The following ANO2 variants were observed in gnomAD, a reference collection of about 807,000 sequenced individuals.
The protein encoded by ANO2 is anoctamin 2.
ANO2 carries 101 observed loss-of-function variants against 124.2 expected under a neutral mutation model. The ratio of observed to expected loss-of-function variants is 0.81; its 90% confidence interval spans 0.69 to 0.96. The LOEUF is 0.96. Ranked by LOEUF, ANO2 falls within the 40% of genes least tolerant of loss-of-function variation. ANO2 has a pLI of 0.00. For synonymous variants in ANO2, 486 were observed against 482.5 expected, an observed-to-expected ratio of 1.01 and a Z score of -0.09; for missense variants, 1,293 against 1,274.5, an observed-to-expected ratio of 1.01 and a Z score of -0.22.
chr12:5,623,947 T>C (rs1038062762), intron 16 of ANO2, among the ~76,000 whole-genome samples: 1 of 151,612 alleles, frequency 6.6e-6, no homozygotes, highest in South Asian at 2.1e-4. Context: ...ATGGGTAGGG[T>C]GGAAATCACC....
At chr12:5,585,763 A>G (rs1943081597) in intron 20 of ANO2, among the ~76,000 whole-genome samples, 1 of 152,190 alleles carries the variant, frequency 6.6e-6, no homozygotes, top group Admixed American at 6.5e-5. Flanking sequence ...TCGAAGGGCA[A>G]TGAAACCAGT....
chr12:5,634,704 C>T (rs559458995), intron 16 of ANO2, among the ~76,000 whole-genome samples: 8 of 152,216 alleles, frequency 5.3e-5, no homozygotes, highest in African/African-American at 9.6e-5. Flanking sequence ...TCTGACAATA[C>T]GGGGATAGAT....
intron 10 of ANO2, among the ~76,000 whole-genome samples, chr12:5,752,473 T>G (rs1233290190): frequency 6.6e-6 from 1 of 152,228 alleles, no homozygotes; most frequent in Non-Finnish European, 1.5e-5. Flanking sequence ...ATTAAACACT[T>G]TCTCCTATAC....
chr12:5,712,470 AT>A (rs1405349224), intron 14 of ANO2, among the ~76,000 whole-genome samples: 1 of 152,160 alleles, frequency 6.6e-6, no homozygotes, highest in Non-Finnish European at 1.5e-5. Flanking sequence ...TTTAGCCACA[AT>A]TTAAGAAATG....
At chr12:5,662,398 T>A (rs1947491749) in intron 14 of ANO2, among the ~76,000 whole-genome samples, 1 of 152,208 alleles carries the variant, frequency 6.6e-6, no homozygotes, top group African/African-American at 2.4e-5. Flanking sequence ...AAAAATGACA[T>A]TTTGAAATGT....
chr12:5,909,823 A>G (rs1940940662), intron 3 of ANO2, among the ~76,000 whole-genome samples: 1 of 152,136 alleles, frequency 6.6e-6, no homozygotes, highest in Non-Finnish European at 1.5e-5. Flanking sequence ...GCCATGCTCT[A>G]CCTAAGGCTT....
chr12:5,857,245 T>C (rs1457226708), intron 3 of ANO2, among the ~76,000 whole-genome samples: 1 of 152,172 alleles, frequency 6.6e-6, no homozygotes, highest in Admixed American at 6.5e-5. Context: ...CTTTTAGGCA[T>C]AGTAGGGGAG....
At chr12:5,766,092 C>T (rs932184501) in intron 10 of ANO2, among the ~76,000 whole-genome samples, 2 of 152,216 alleles carry the variant, frequency 1.3e-5, no homozygotes, top group Non-Finnish European at 2.9e-5. Flanking sequence ...AGAACTCCCA[C>T]ATAGTTCTGG....
intron 14 of ANO2, among the ~76,000 whole-genome samples, chr12:5,672,681 C>T (rs1948070999): frequency 6.6e-6 from 1 of 152,106 alleles, no homozygotes. Context: ...GTAGACAAAG[C>T]AGAAGAGATC....
At chr12:5,842,164 G>A (rs975299564) in intron 4 of ANO2, among the ~76,000 whole-genome samples, 7 of 152,142 alleles carry the variant, frequency 4.6e-5, no homozygotes, top group African/African-American at 1.4e-4. Context: ...ACAGGTGTAA[G>A]CCACCATGGC....
rs377705387 is a variant in ANO2, at chr12:5,818,944, G to C, written c.892+8825C>G. Among the ~76,000 whole-genome samples the C allele has an allele frequency of 3.6e-3, 552 of 152,262 alleles. 3 individuals are homozygous for C. The highest frequency in any genetic ancestry group is 0.013 in the African/African-American group (526 of 41,552). ...TCCCAACTTCAAAAGCAGATTCTGAGCATCAAATCTGCTAAGATGGCCCTG... is the reference window on the plus strand; with the variant it reads ...TCCCAACTTCAAAAGCAGATTCTGACCATCAAATCTGCTAAGATGGCCCTG... On this transcript the variant is annotated intron_variant, in intron 7 of 24. Transcript: ENST00000682330.
At chr12:5,578,296 G>A (rs1257629937) in intron 21 of ANO2, 70 bp downstream of exon 21, 5 of 1,556,246 alleles carry the variant, frequency 3.2e-6, no homozygotes, top group African/African-American at 2.7e-5. Flanking sequence ...CTGGTGTGGT[G>A]TGACTGTGGC....
chr12:5,863,234 C>T (rs1280673787), intron 3 of ANO2, among the ~76,000 whole-genome samples: 1 of 152,180 alleles, frequency 6.6e-6, no homozygotes, highest in African/African-American at 2.4e-5. Flanking sequence ...CCCACTCAAC[C>T]CCTGAGCTGC....
chr12:5,891,623 A>C (rs1939407579), intron 3 of ANO2, among the ~76,000 whole-genome samples: 1 of 152,236 alleles, frequency 6.6e-6, no homozygotes, highest in African/African-American at 2.4e-5. Context: ...ATCTGATCCT[A>C]AATAGCACAC....
chr12:5,644,030 T>C (rs565558917), intron 15 of ANO2, among the ~76,000 whole-genome samples: 7 of 152,356 alleles, frequency 4.6e-5, no homozygotes, highest in East Asian at 1.9e-4. Context: ...AATTCTAATA[T>C]AGTCAAATTT....
intron 19 of ANO2, 88 bp downstream of exon 19, chr12:5,612,568 A>G (rs905916622): frequency 5.1e-5 from 54 of 1,065,170 alleles, no homozygotes; most frequent in Non-Finnish European, 7.3e-5. Flanking sequence ...TAAGAAGAGG[A>G]AAGGCCATAG....
At chr12:5,577,889 T>G (rs1942504596) in intron 22 of ANO2, 66 bp downstream of exon 22, 2 of 1,527,088 alleles carry the variant, frequency 1.3e-6, no homozygotes, top group Non-Finnish European at 1.8e-6. Flanking sequence ...CTTCCCACTT[T>G]GAAGACCTCA....
intron 14 of ANO2, among the ~76,000 whole-genome samples, chr12:5,652,502 C>A (rs908057967): frequency 2.6e-5 from 4 of 151,610 alleles, no homozygotes; most frequent in African/African-American, 7.3e-5. Flanking sequence ...ACCTAATATC[C>A]ATTTCCTGTT....
At chr12:5,852,369 C>T (rs891541956) in intron 4 of ANO2, among the ~76,000 whole-genome samples, 8 of 152,114 alleles carry the variant, frequency 5.3e-5, no homozygotes, top group African/African-American at 1.9e-4. Context: ...GCATGTGACC[C>T]CCCTCCCCGA....
Sources: allele counts gnomAD v4.1 joint callset (sites outside exome capture counted in the v4.1 genomes callset), GRCh38; gene constraint gnomAD v4.1.1; transcripts MANE v1.5; gene names NCBI Gene and HGNC (gene_info 2026-07-23, HGNC 2026-07-21).